The following CSMD1 variants were observed in gnomAD, a reference collection of about 807,000 sequenced individuals.
CSMD1 encodes CUB and sushi domain-containing protein 1.
CSMD1 carries 213 observed loss-of-function variants against 417.5 expected under a neutral mutation model. That is an observed-to-expected ratio of 0.51 (90% confidence interval 0.46 to 0.57). The LOEUF (loss-of-function observed/expected upper bound fraction) is 0.57. Ranked by LOEUF, CSMD1 falls within the 20% of genes least tolerant of loss-of-function variation. The probability of loss-of-function intolerance (pLI) is 0.00; values close to 1 mark genes in which losing one functional copy is unlikely to be tolerated. For missense variants in CSMD1, 6,923 were observed against 4,529.7 expected (o/e 1.53, Z -15.17); for synonymous variants, 2,862 against 1,736.8 (o/e 1.65, Z -16.11).
At chr8:3,715,724 G>T (rs1014875361) in intron 6 of CSMD1, among the ~76,000 whole-genome samples, 1 of 152,044 alleles carries the variant, frequency 6.6e-6, no homozygotes, top group African/African-American at 2.4e-5. Flanking sequence ...TGTATTTTTA[G>T]TAGAGACACG....
At chr8:3,421,623 T>C (rs542679377) in intron 12 of CSMD1, among the ~76,000 whole-genome samples, 1 of 152,176 alleles carries the variant, frequency 6.6e-6, no homozygotes, top group Admixed American at 6.5e-5. Context: ...ATTTCTAAAT[T>C]ATAAATTCTA....
At chr8:3,206,602 G>C (rs1293836033) in intron 30 of CSMD1, among the ~76,000 whole-genome samples, 1 of 134,018 alleles carries the variant, frequency 7.5e-6, no homozygotes, top group Non-Finnish European at 1.6e-5. Flanking sequence ...GCGTATGTCT[G>C]TATGTGTGTG....
chr8:2,954,980 C>G (rs1354864667), intron 64 of CSMD1, among the ~76,000 whole-genome samples: 8 of 152,166 alleles, frequency 5.3e-5, no homozygotes. Flanking sequence ...TTATAAATTA[C>G]AAACAGGGGA....
intron 26 of CSMD1, among the ~76,000 whole-genome samples, chr8:3,279,511 A>G (rs184693925): frequency 1.1e-4 from 16 of 152,316 alleles, no homozygotes; most frequent in African/African-American, 2.9e-4. Context: ...AAAATGCCAC[A>G]TGGTACGTAT....
At chr8:4,988,725 C>T (rs1005965343) in intron 1 of CSMD1, among the ~76,000 whole-genome samples, 3 of 152,172 alleles carry the variant, frequency 2.0e-5, no homozygotes, top group Admixed American at 6.5e-5. Context: ...TTTCCTCTCC[C>T]ATAAAGTACA....
intron 1 of CSMD1, among the ~76,000 whole-genome samples, chr8:4,770,568 T>C (rs761561117): frequency 6.6e-6 from 1 of 151,884 alleles, no homozygotes; most frequent in African/African-American, 2.4e-5. Flanking sequence ...AAAATTATAG[T>C]ACAAAGTTAT....
intron 6 of CSMD1, among the ~76,000 whole-genome samples, 188 bp from the exon 7 acceptor site, chr8:3,708,679 A>T: frequency 6.6e-6 from 1 of 152,198 alleles, no homozygotes; most frequent in Admixed American, 6.5e-5. Flanking sequence ...TGAGGCTATC[A>T]AGCAGCAAGA....
At chr8:4,359,965 T>C (rs540827921) in intron 3 of CSMD1, among the ~76,000 whole-genome samples, 6 of 152,320 alleles carry the variant, frequency 3.9e-5, no homozygotes, top group African/African-American at 1.4e-4. Flanking sequence ...TTCCACATGG[T>C]TAGGATGCTC....
At chr8:3,735,772 T>C (rs750453926) in intron 6 of CSMD1, among the ~76,000 whole-genome samples, 1 of 152,218 alleles carries the variant, frequency 6.6e-6, no homozygotes, top group Non-Finnish European at 1.5e-5. Flanking sequence ...TTGCTGCAGA[T>C]ACCACACATG....
intron 3 of CSMD1, among the ~76,000 whole-genome samples, chr8:4,281,543 T>C (rs538990311): frequency 1.5e-4 from 23 of 152,342 alleles, no homozygotes; most frequent in African/African-American, 2.2e-4. Flanking sequence ...AAAGGTCCTT[T>C]AAAATGTTGT....
At chr8:4,761,889 A>ATCTG (rs1563319331) in intron 1 of CSMD1, among the ~76,000 whole-genome samples, 1 of 72,706 alleles carries the variant, frequency 1.4e-5, no homozygotes, top group East Asian at 5.9e-4. Context: ...CTATCTATCT[A>ATCTG]CCTACCTATC....
chr8:4,185,106 T>C (rs1798586311), intron 3 of CSMD1, among the ~76,000 whole-genome samples: 1 of 123,832 alleles, frequency 8.1e-6, no homozygotes, highest in Admixed American at 1.1e-4. Flanking sequence ...ACCACTGCAC[T>C]CCAGCCTGGG....
At chr8:3,063,694 G>T (rs1217555011) in intron 49 of CSMD1, among the ~76,000 whole-genome samples, 1 of 152,210 alleles carries the variant, frequency 6.6e-6, no homozygotes, top group South Asian at 2.1e-4. Flanking sequence ...ACAACATGAT[G>T]ATCTTGAAGA....
At chr8:4,495,301 C>G (rs1801922296) in intron 2 of CSMD1, among the ~76,000 whole-genome samples, 1 of 152,242 alleles carries the variant, frequency 6.6e-6, no homozygotes, top group African/African-American at 2.4e-5. Context: ...CTCAGCTGGG[C>G]ACGGTGGCTC....
chr8:3,423,465 T>G (rs1328398480), intron 12 of CSMD1, among the ~76,000 whole-genome samples: 1 of 152,354 alleles, frequency 6.6e-6, no homozygotes, highest in East Asian at 1.9e-4. Context: ...TCACTGAGTG[T>G]AATGATTCTG....
At chr8:3,260,391 G>C (rs984697397) in intron 26 of CSMD1, among the ~76,000 whole-genome samples, 6 of 151,288 alleles carry the variant, frequency 4.0e-5, no homozygotes, top group Non-Finnish European at 1.5e-5. Flanking sequence ...TGGCCGAACA[G>C]GTTTGGAAAA....
intron 2 of CSMD1, among the ~76,000 whole-genome samples, chr8:4,472,369 T>C (rs1000746146): frequency 2.6e-5 from 4 of 152,134 alleles, no homozygotes; most frequent in African/African-American, 9.6e-5. Context: ...ATCCATCACT[T>C]GATCTGTAGT....
At chr8:3,032,332 A>C (rs765973797) in intron 50 of CSMD1, among the ~76,000 whole-genome samples, 7 of 151,996 alleles carry the variant, frequency 4.6e-5, no homozygotes, top group Non-Finnish European at 8.8e-5. Context: ...AACCAAGAGG[A>C]TGCCAGACCA....
intron 7 of CSMD1, among the ~76,000 whole-genome samples, chr8:3,706,174 C>T (rs1352822891): frequency 2.0e-5 from 3 of 152,236 alleles, no homozygotes; most frequent in Non-Finnish European, 4.4e-5. Flanking sequence ...ACAGAATGCC[C>T]ACTGCATGCC....
Sources: allele counts gnomAD v4.1 joint callset (sites outside exome capture counted in the v4.1 genomes callset), GRCh38; gene constraint gnomAD v4.1.1; transcripts MANE v1.5; gene names NCBI Gene and HGNC (gene_info 2026-07-23, HGNC 2026-07-21).